RAD51B: variants seen among roughly 807,000 people sequenced by gnomAD.
RAD51B encodes the protein RAD51 paralog B, also known as DNA repair protein RAD51 homolog 2.
Under a neutral mutation model 42.2 loss-of-function variants are expected in RAD51B, and 38 were observed. The observed-to-expected ratio is 0.90, with a 90% CI of 0.70 to 1.18. The LOEUF is 1.18. RAD51B is among the 50% of genes most tolerant of loss of function. The pLI is 0.00. For missense variants in RAD51B, 373 were observed against 400.7 expected (o/e 0.93, Z 0.59); for synonymous variants, 154 against 145.2 (o/e 1.06, Z -0.43).
chr14:68,324,577 T>G (rs1216952678), intron 8 of RAD51B, among the ~76,000 whole-genome samples: 4 of 152,170 alleles, frequency 2.6e-5, no homozygotes, highest in Non-Finnish European at 5.9e-5. Context: ...TCTAGAACTT[T>G]TTTCCTTTTA....
At chr14:67,879,542 A>C (rs529968859) in intron 5 of RAD51B, among the ~76,000 whole-genome samples, 4 of 152,048 alleles carry the variant, frequency 2.6e-5, no homozygotes, top group African/African-American at 4.8e-5. Context: ...TCCCGGACTT[A>C]AGAGAGCCTC....
chr14:68,510,047 A>G (rs8021339), intron 10 of RAD51B, among the ~76,000 whole-genome samples: 36,025 of 151,194 alleles, frequency 0.24, 4,582 homozygotes, highest in East Asian at 0.5. Flanking sequence ...CAAGACCCTC[A>G]CCTCCCCCTA....
chr14:67,953,555 A>G (rs1363490308), intron 7 of RAD51B, among the ~76,000 whole-genome samples: 1 of 152,066 alleles, frequency 6.6e-6, no homozygotes, highest in Non-Finnish European at 1.5e-5. Flanking sequence ...GATTAATGGG[A>G]AGGATATAGT....
chr14:68,598,025 C>T (rs1348593079), downstream of RAD51B, among the ~76,000 whole-genome samples: 2 of 151,918 alleles, frequency 1.3e-5, no homozygotes, highest in East Asian at 1.9e-4. Flanking sequence ...GAAAAATAGA[C>T]GGCCGTCCTA....
chr14:68,101,038 G>T (rs1316149599), intron 7 of RAD51B, among the ~76,000 whole-genome samples: 1 of 152,198 alleles, frequency 6.6e-6, no homozygotes, highest in Non-Finnish European at 1.5e-5. Context: ...ATGGTGGCAG[G>T]AGAGAGAAGA....
intron 7 of RAD51B, among the ~76,000 whole-genome samples, chr14:68,178,600 T>C (rs1366875087): frequency 6.6e-6 from 1 of 152,178 alleles, no homozygotes; most frequent in East Asian, 1.9e-4. Context: ...GGCCTTTCAA[T>C]TTTCTCTTAT....
chr14:67,905,651 G>C (rs868077627), intron 7 of RAD51B, among the ~76,000 whole-genome samples: 1 of 151,988 alleles, frequency 6.6e-6, no homozygotes, highest in African/African-American at 2.4e-5. Flanking sequence ...TGTGTTCCTA[G>C]GTACTTTTTT....
chr14:68,035,633 A>G (rs1380678431), intron 7 of RAD51B, among the ~76,000 whole-genome samples: 2 of 152,202 alleles, frequency 1.3e-5, no homozygotes, highest in Non-Finnish European at 2.9e-5. Flanking sequence ...TCCAGAAGCT[A>G]AGGTTCAATT....
At chr14:68,121,648 C>G (rs902684237) in intron 7 of RAD51B, among the ~76,000 whole-genome samples, 1 of 151,528 alleles carries the variant, frequency 6.6e-6, no homozygotes, top group African/African-American at 2.4e-5. Context: ...AGGAGTCTTA[C>G]AAGAAAAAGA....
chr14:68,596,927 G>A (rs532855595), downstream of RAD51B, among the ~76,000 whole-genome samples: 3 of 152,314 alleles, frequency 2.0e-5, no homozygotes, highest in East Asian at 5.8e-4. Context: ...CACCTCTGCT[G>A]CTCCAAGGGT....
intron 10 of RAD51B, among the ~76,000 whole-genome samples, chr14:68,631,121 G>C (rs1391446560): frequency 6.6e-6 from 1 of 152,070 alleles, no homozygotes; most frequent in African/African-American, 2.4e-5. Flanking sequence ...TGTCAACTAT[G>C]TGTCCAATTG....
chr14:68,564,093 C>T (rs538873964), intron 10 of RAD51B, among the ~76,000 whole-genome samples: 2 of 152,116 alleles, frequency 1.3e-5, no homozygotes, highest in Non-Finnish European at 2.9e-5. Flanking sequence ...TTGCTCTGCC[C>T]GGTGTTTGGG....
At chr14:68,638,966 G>T (rs551541417) in intron 10 of RAD51B, among the ~76,000 whole-genome samples, 4 of 152,314 alleles carry the variant, frequency 2.6e-5, no homozygotes, top group African/African-American at 4.8e-5. Context: ...GGGGGTTGGT[G>T]CTTGGAGCCT....
chr14:68,171,768 G>C (rs996490495), intron 7 of RAD51B, among the ~76,000 whole-genome samples: 1 of 151,814 alleles, frequency 6.6e-6, no homozygotes, highest in Non-Finnish European at 1.5e-5. Flanking sequence ...GTGCAATGGG[G>C]CGATCTCGGT....
intron 10 of RAD51B, among the ~76,000 whole-genome samples, chr14:68,530,362 G>T (rs867419165): frequency 2.1e-5 from 3 of 145,910 alleles, no homozygotes; most frequent in East Asian, 4.2e-4. Context: ...TGGGAGGATT[G>T]CTGGAGCCCA....
At chr14:67,898,956 G>T (rs1322989445) in intron 7 of RAD51B, among the ~76,000 whole-genome samples, 1 of 152,024 alleles carries the variant, frequency 6.6e-6, no homozygotes, top group African/African-American at 2.4e-5. Flanking sequence ...CTTGAACATT[G>T]TTTCCTACCC....
chr14:68,622,723 C>CAAAA lies in RAD51B; in HGVS notation c.1037-28041_1037-28038dup, dbSNP rs34816047. ...CTGGGTCTATTAATGTATCCATTTA[C>CAAAA]AAAAAAAAAAAAAAAAAAAACTGGA... On this transcript the variant is annotated intron_variant, in intron 10 of 11. Transcript: ENST00000488612. Among the ~76,000 whole-genome samples, 70 of 115,436 alleles carry CAAAA rather than the reference C, an allele frequency of 6.1e-4. 6 individuals carry two copies. The highest frequency in any genetic ancestry group is 2.2e-3 in the Admixed American group (24 of 10,690). The allele number at this position is 115,436 out of a possible 152,430, so 75.7% of individuals were successfully genotyped here.
intron 11 of RAD51B, among the ~76,000 whole-genome samples, chr14:68,655,281 C>T (rs920777858): frequency 6.6e-6 from 1 of 152,066 alleles, no homozygotes; most frequent in Non-Finnish European, 1.5e-5. Flanking sequence ...TGATTCACCC[C>T]GGGCCACGGC....
intron 10 of RAD51B, among the ~76,000 whole-genome samples, chr14:68,576,448 C>T (rs1052124154): frequency 6.6e-6 from 1 of 152,162 alleles, no homozygotes; most frequent in Admixed American, 6.5e-5. Flanking sequence ...GAAGTAAAGC[C>T]CCCACTAGAA....
Sources: gnomAD v4.1 joint callset for allele counts (sites outside exome capture counted in the v4.1 genomes callset) on GRCh38, gnomAD v4.1.1 for gene constraint, MANE v1.5 for transcripts, NCBI Gene and HGNC (gene_info 2026-07-23, HGNC 2026-07-21) for gene names.